AFG1L: variants seen among roughly 807,000 people sequenced by gnomAD.
AFG1L encodes AFG1 like ATPase.
AFG1L carries 53 observed loss-of-function variants against 62.2 expected under a neutral mutation model. The ratio of observed to expected loss-of-function variants is 0.85; its 90% CI spans 0.68 to 1.07. The LOEUF (loss-of-function observed/expected upper bound fraction) is 1.07. Ranked by LOEUF, AFG1L falls within the 50% of genes least tolerant of loss-of-function variation. AFG1L has a pLI of 0.00. For synonymous variants in AFG1L, 228 were observed against 210.3 expected, an observed-to-expected ratio of 1.08 and a Z score of -0.73; for missense variants, 555 against 590.5, an observed-to-expected ratio of 0.94 and a Z score of 0.62.
intron 1 of AFG1L, among the ~76,000 whole-genome samples, chr6:108,299,153 T>TG (rs1776883426): frequency 6.6e-6 from 1 of 151,294 alleles, no homozygotes; most frequent in Admixed American, 6.6e-5. Context: ...CCCAGCTACT[T>TG]GGGAGGCTGA....
chr6:108,474,135 T>A (rs1773020676), intron 8 of AFG1L, among the ~76,000 whole-genome samples: 3 of 152,182 alleles, frequency 2.0e-5, no homozygotes, highest in African/African-American at 7.2e-5. Flanking sequence ...ACATGTAGTG[T>A]TTGGTTTTCT....
intron 7 of AFG1L, among the ~76,000 whole-genome samples, chr6:108,420,810 T>A (rs1344351503): frequency 2.0e-5 from 3 of 152,168 alleles, no homozygotes; most frequent in Admixed American, 2.0e-4. Context: ...GTAAAATATA[T>A]ACTGTTTAGG....
intron 7 of AFG1L, among the ~76,000 whole-genome samples, chr6:108,433,186 A>T (rs1435351377): frequency 6.6e-6 from 1 of 152,198 alleles, no homozygotes; most frequent in African/African-American, 2.4e-5. Flanking sequence ...CTTTTCAGTT[A>T]TGTGAACAAA....
intron 10 of AFG1L, among the ~76,000 whole-genome samples, chr6:108,495,364 G>A (rs768509436): frequency 6.6e-6 from 1 of 152,176 alleles, no homozygotes; most frequent in African/African-American, 2.4e-5. Context: ...CCTTAGGACC[G>A]TATAATCTAG....
Position 108,500,638 on chromosome 6 carries a change from G to A in AFG1L, c.1063-9574G>A, listed in dbSNP as rs1406116976. Among the ~76,000 whole-genome samples the A allele has an allele frequency of 2.0e-5, 3 of 152,210 alleles. No homozygotes were observed. The East Asian group carries it at 5.8e-4, about 29-fold the overall frequency. The stretch of plus-strand genomic sequence containing the variant: ...GTCTTTTTGATAAACGTGAGTGCAG[G>A]TGTCTTTTGCACTACCCTTTGGGTA... On this transcript the variant is annotated intron_variant, in intron 10 of 12. Coordinates refer to ENST00000368977, the MANE Select transcript of AFG1L (RefSeq NM_145315.5).
intron 1 of AFG1L, chr6:108,318,497 T>G (rs1009585097): frequency 2.5e-5 from 4 of 162,496 alleles, no homozygotes; most frequent in African/African-American, 9.6e-5. Flanking sequence ...TAATTACGAC[T>G]ATACACAAAG....
At chr6:108,333,197 G>C (rs1778344241) in intron 2 of AFG1L, among the ~76,000 whole-genome samples, 2 of 151,292 alleles carry the variant, frequency 1.3e-5, no homozygotes, top group Non-Finnish European at 2.9e-5. Context: ...ATCACCTGAG[G>C]TCAGGAGTTC....
chr6:108,321,329 TA>T (rs564730057), intron 1 of AFG1L, among the ~76,000 whole-genome samples: 311 of 152,284 alleles, frequency 2.0e-3, no homozygotes, highest in African/African-American at 7.2e-3. Flanking sequence ...AGAGATGGCC[TA>T]GGGGGATACC....
chr6:108,355,324 G>T (rs999449858), intron 3 of AFG1L, among the ~76,000 whole-genome samples: 2 of 151,964 alleles, frequency 1.3e-5, no homozygotes, highest in African/African-American at 4.8e-5. Context: ...ATTTAATTAA[G>T]TTATTTTATT....
At chr6:108,368,581 G>A (rs752362102) in intron 6 of AFG1L, among the ~76,000 whole-genome samples, 21 of 152,142 alleles carry the variant, frequency 1.4e-4, no homozygotes, top group Non-Finnish European at 3.1e-4. Context: ...AAGGGAGTGA[G>A]CTTTTTAATA....
At chr6:108,370,301 G>GTATAGTA (rs1779945977) in intron 6 of AFG1L, among the ~76,000 whole-genome samples, 1 of 152,132 alleles carries the variant, frequency 6.6e-6, no homozygotes, top group Non-Finnish European at 1.5e-5. Flanking sequence ...ACTAGATGGG[G>GTATAGTA]TATAGTAATA....
intron 11 of AFG1L, among the ~76,000 whole-genome samples, chr6:108,513,073 A>C (rs1431581522): frequency 6.6e-6 from 1 of 152,238 alleles, no homozygotes; most frequent in Non-Finnish European, 1.5e-5. Context: ...AAAGATAGCT[A>C]TGAATCCTGA....
At chr6:108,366,500 A>T (rs1487494431) in intron 6 of AFG1L, among the ~76,000 whole-genome samples, 168 bp downstream of exon 6, 1 of 151,982 alleles carries the variant, frequency 6.6e-6, no homozygotes, top group East Asian at 1.9e-4. Context: ...TTTGCATTTG[A>T]AAAGTTTTGT....
At position 108,295,061 on chromosome 6, in the gene AFG1L, T is replaced by G. The variant is rs1227787932; in HGVS notation, c.-19T>G. On this transcript the variant is annotated 5_prime_UTR_variant, in exon 1 of 13. Coordinates refer to ENST00000368977, the MANE Select transcript of AFG1L (RefSeq NM_145315.5). Reference sequence around the variant, plus strand: ...TTCCAATAAAGTTTTCCTCTTCCTCTCCTCGTACGGAGTTCAAGATGGCGG... The same window carrying G: ...TTCCAATAAAGTTTTCCTCTTCCTCGCCTCGTACGGAGTTCAAGATGGCGG... The G allele has an allele frequency of 1.2e-6, 2 of 1,609,544 alleles. No homozygotes were observed. The highest frequency in any genetic ancestry group is 1.3e-5 in the African/African-American group (1 of 74,934).
At chr6:108,377,638 G>A (rs184597849) in intron 6 of AFG1L, among the ~76,000 whole-genome samples, 2 of 152,120 alleles carry the variant, frequency 1.3e-5, no homozygotes, top group Non-Finnish European at 2.9e-5. Flanking sequence ...GGTTCCTTTT[G>A]TACATAATCT....
At chr6:108,446,344 T>A (rs1428587109) in intron 7 of AFG1L, among the ~76,000 whole-genome samples, 1 of 152,016 alleles carries the variant, frequency 6.6e-6, no homozygotes, top group East Asian at 1.9e-4. Context: ...CACTGAAATG[T>A]TGGTGGCCAG....
chr6:108,512,067 T>TGTGGCCTA (rs1774674392), intron 11 of AFG1L, among the ~76,000 whole-genome samples: 1 of 152,294 alleles, frequency 6.6e-6, no homozygotes, highest in African/African-American at 2.4e-5. Flanking sequence ...GGCAGAACCA[T>TGTGGCCTA]GTGGCCTACT....
intron 1 of AFG1L, among the ~76,000 whole-genome samples, chr6:108,304,969 T>C (rs1777148188): frequency 6.6e-6 from 1 of 152,248 alleles, no homozygotes; most frequent in Non-Finnish European, 1.5e-5. Context: ...TTGTCATCTA[T>C]AGAATGCGAT....
intron 6 of AFG1L, among the ~76,000 whole-genome samples, chr6:108,384,876 C>T (rs1424732270): frequency 6.6e-6 from 1 of 152,000 alleles, no homozygotes; most frequent in Non-Finnish European, 1.5e-5. Flanking sequence ...AAAATTATCC[C>T]ATGTAAAGAA....
Sources: gnomAD v4.1 joint callset for allele counts (sites outside exome capture counted in the v4.1 genomes callset) on GRCh38, gnomAD v4.1.1 for gene constraint, MANE v1.5 for transcripts, NCBI Gene and HGNC (gene_info 2026-07-23, HGNC 2026-07-21) for gene names.